Variants in SLC13A1 observed in about 807,000 individuals in gnomAD.
SLC13A1 encodes solute carrier family 13 member 1, also known as Na(+)/sulfate cotransporter.
SLC13A1 carries 65 observed loss-of-function variants against 70.0 expected under a neutral mutation model. That is an observed-to-expected ratio of 0.93 (90% confidence interval 0.76 to 1.14). The LOEUF (loss-of-function observed/expected upper bound fraction) is 1.14, where lower values mean the gene tolerates loss of function less well. Among genes scored for constraint, SLC13A1 ranks in the 50% most tolerant of loss-of-function variants. The pLI, the probability that SLC13A1 is intolerant of heterozygous loss-of-function variation, is 0.00. For missense variants in SLC13A1, 726 were observed against 717.8 expected (o/e 1.01, Z -0.13); for synonymous variants, 275 against 250.5 (o/e 1.10, Z -0.92).
At chr7:123,182,987 G>A (rs1460666176) in intron 1 of SLC13A1, among the ~76,000 whole-genome samples, 1 of 151,982 alleles carries the variant, frequency 6.6e-6, no homozygotes, top group Non-Finnish European at 1.5e-5. Flanking sequence ...TATATCCAAA[G>A]AATCTTCTTT....
At chr7:123,169,118 C>A (rs768130821) in intron 4 of SLC13A1, 30 bp downstream of exon 4, 3 of 1,604,482 alleles carry the variant, frequency 1.9e-6, no homozygotes, top group East Asian at 2.2e-5. Context: ...AATGACTAGA[C>A]CCCAGATTGG....
At chr7:123,157,641 G>A (rs773291441) in intron 6 of SLC13A1, among the ~76,000 whole-genome samples, 2 of 151,910 alleles carry the variant, frequency 1.3e-5, no homozygotes, top group Non-Finnish European at 2.9e-5. Flanking sequence ...AAAAATGACT[G>A]AAACAAAATA....
At chr7:123,130,060 T>C (rs1451376382) in intron 8 of SLC13A1, among the ~76,000 whole-genome samples, 1 of 152,128 alleles carries the variant, frequency 6.6e-6, no homozygotes, top group Non-Finnish European at 1.5e-5. Flanking sequence ...ATGAGACAGT[T>C]GGGGTCAGAT....
At chr7:123,174,631 T>C (rs889916959) in intron 2 of SLC13A1, among the ~76,000 whole-genome samples, 11 of 152,268 alleles carry the variant, frequency 7.2e-5, no homozygotes, top group African/African-American at 2.6e-4. Flanking sequence ...GCCCCTTTTC[T>C]ACAGTGTAAA....
At chr7:123,130,845 T>A (rs1010687980) in intron 8 of SLC13A1, among the ~76,000 whole-genome samples, 9 of 152,204 alleles carry the variant, frequency 5.9e-5, no homozygotes, top group Admixed American at 5.2e-4. Flanking sequence ...CACTTTTTAT[T>A]GTTTTCAGCT....
At chr7:123,133,427 C>T (rs1585306335) in intron 8 of SLC13A1, among the ~76,000 whole-genome samples, 1 of 152,114 alleles carries the variant, frequency 6.6e-6, no homozygotes, top group African/African-American at 2.4e-5. Context: ...CCTTAAAATT[C>T]CCCTTTAACA....
In SLC13A1 at chr7:123,115,542, A is replaced by G. The variant is rs1284384673; in HGVS notation, c.1764T>C (p.Ala588=). 2 of 1,613,520 alleles carry G rather than the reference A, an allele frequency of 1.2e-6. No individual in the cohort carries two copies. The highest frequency in any genetic ancestry group is 2.7e-5 in the African/African-American group (2 of 74,920). ...DLYTYPSWAP[A]MSNETMP is the part of the protein sequence containing the mutation. ...ATTATGGCATGGTCTCATTACTCAT[A>G]GCAGGAGCCCACGAAGGGTAAGTGT... Residue 588 remains alanine (A), a synonymous_variant, in exon 15 of 15, where the codon GCT becomes GCC. Transcript: ENST00000194130.
chr7:123,190,845 G>T (rs1437508031), intron 1 of SLC13A1, among the ~76,000 whole-genome samples: 4 of 152,022 alleles, frequency 2.6e-5, no homozygotes, highest in African/African-American at 9.7e-5. Context: ...TTTAATCTCA[G>T]TGACAAAATT....
At chr7:123,137,050 G>A (rs556452317) in intron 7 of SLC13A1, among the ~76,000 whole-genome samples, 16 of 152,276 alleles carry the variant, frequency 1.1e-4, no homozygotes, top group African/African-American at 3.1e-4. Flanking sequence ...TAGCCAGTCC[G>A]AAAGTATGCG....
intron 10 of SLC13A1, 32 bp from the exon 11 acceptor site, chr7:123,125,707 T>A: frequency 6.6e-7 from 1 of 1,505,820 alleles, no homozygotes; most frequent in Non-Finnish European, 9.2e-7. Context: ...GTATTAAAAA[T>A]AGCATCAAGA....
In SLC13A1 at chr7:123,167,861, G is replaced by A. The variant is rs533550128; in HGVS notation, c.660+513C>T. On this transcript the variant is annotated intron_variant, in intron 6 of 14. Coordinates refer to ENST00000194130, the MANE Select transcript of SLC13A1 (RefSeq NM_022444.4). ...AAGTTCATAACCTGGAAGAAATGAC[G>A]ACGATGCCCCTAATGAAAATCAGTC... Among the ~76,000 whole-genome samples, 32 of 151,936 alleles carry A rather than the reference G, an allele frequency of 2.1e-4. No homozygotes were observed. The South Asian group carries it at 5.0e-3, about 24-fold the overall frequency.
At chr7:123,191,094 C>A (rs765148426) in intron 1 of SLC13A1, among the ~76,000 whole-genome samples, 16 of 152,074 alleles carry the variant, frequency 1.1e-4, no homozygotes, top group Non-Finnish European at 2.1e-4. Context: ...CTTCTGCACT[C>A]CTTGTTTCTC....
chr7:123,146,890 G>A (rs1467019058), intron 7 of SLC13A1, among the ~76,000 whole-genome samples: 1 of 152,060 alleles, frequency 6.6e-6, no homozygotes, highest in African/African-American at 2.4e-5. Context: ...AATGAAAAAT[G>A]TTTTTCCTGT....
chr7:123,190,695 T>C (rs1490120917), intron 1 of SLC13A1: 2 of 456,314 alleles, frequency 4.4e-6, no homozygotes, highest in Non-Finnish European at 8.8e-6. Flanking sequence ...GAGAATAAGC[T>C]GTTGAGCATT....
In SLC13A1 at chr7:123,134,182, C is replaced by A. The variant is rs907489324; in HGVS notation, c.932+228G>T. Among the ~76,000 whole-genome samples, 7 of 152,166 alleles carry A rather than the reference C, an allele frequency of 4.6e-5. No homozygotes were observed. In the South Asian group the frequency reaches 1.2e-3, roughly 27 times the overall value. Reference sequence around the variant, plus strand: ...TGCTGGGATTATAGGCATGAGCCACCGCAGCTGGCCCCTTTCTAATCTTTA... The same window carrying A: ...TGCTGGGATTATAGGCATGAGCCACAGCAGCTGGCCCCTTTCTAATCTTTA... On this transcript the variant is annotated intron_variant, in intron 8 of 14. Coordinates refer to ENST00000194130, the MANE Select transcript of SLC13A1 (RefSeq NM_022444.4).
At chr7:123,123,262 A>G (rs1216948125) in intron 11 of SLC13A1, 27 bp from the exon 12 acceptor site, 3 of 1,366,626 alleles carry the variant, frequency 2.2e-6, no homozygotes, top group South Asian at 2.3e-5. Context: ...CTACAGTTAC[A>G]CATTGCTTAA....
intron 1 of SLC13A1, among the ~76,000 whole-genome samples, chr7:123,194,877 G>A (rs1259440015): frequency 6.6e-6 from 1 of 152,118 alleles, no homozygotes; most frequent in African/African-American, 2.4e-5. Flanking sequence ...ACTGCATGCG[G>A]TTAGGGGAAC....
intron 7 of SLC13A1, among the ~76,000 whole-genome samples, chr7:123,140,368 T>A (rs1794092944): frequency 1.3e-5 from 2 of 152,258 alleles, no homozygotes; most frequent in African/African-American, 4.8e-5. Context: ...GCATCAATAT[T>A]CATAAGGGAT....
chr7:123,142,650 T>C (rs1377550143), intron 7 of SLC13A1, among the ~76,000 whole-genome samples: 1 of 28,912 alleles, frequency 3.5e-5, no homozygotes, highest in Non-Finnish European at 7.2e-5. Flanking sequence ...TTTTTTTTTT[T>C]TTTTTGATGG....
Sources: gnomAD v4.1 joint callset for allele counts (sites outside exome capture counted in the v4.1 genomes callset) on GRCh38, gnomAD v4.1.1 for gene constraint, MANE v1.5 for transcripts, NCBI Gene and HGNC (gene_info 2026-07-23, HGNC 2026-07-21) for gene names.